The following GADL1 variants were observed in gnomAD, a reference collection of about 807,000 sequenced individuals.
GADL1 encodes the protein GAD like acidic amino acid decarboxylase 1.
Under a neutral mutation model 69.5 loss-of-function variants are expected in GADL1, and 71 were observed. That is an observed-to-expected ratio of 1.02 (90% CI 0.84 to 1.25). The LOEUF (loss-of-function observed/expected upper bound fraction) is 1.25. Ranked by LOEUF, GADL1 falls within the 50% of genes most tolerant of loss-of-function variation. The pLI is 0.00. For synonymous variants in GADL1, 254 were observed against 214.4 expected (o/e 1.18, Z -1.62); for missense variants, 737 against 631.8 (o/e 1.17, Z -1.79).
intron 2 of GADL1, among the ~76,000 whole-genome samples, chr3:30,861,073 A>T (rs1328211507): frequency 6.6e-6 from 1 of 151,956 alleles, no homozygotes; most frequent in Non-Finnish European, 1.5e-5. Flanking sequence ...ACAACCAATA[A>T]TTGGTACCAG....
intron 6 of GADL1, among the ~76,000 whole-genome samples, chr3:30,846,590 A>G (rs545112290): frequency 2.0e-4 from 30 of 152,194 alleles, no homozygotes; most frequent in African/African-American, 7.2e-4. Context: ...TCCAGTGCTG[A>G]CTAATTTGAT....
chr3:30,797,445 A>ATG (rs1697060465), intron 12 of GADL1, among the ~76,000 whole-genome samples: 1 of 152,206 alleles, frequency 6.6e-6, no homozygotes, highest in African/African-American at 2.4e-5. Flanking sequence ...CATGTAGGAC[A>ATG]TCCCAGGCAT....
At chr3:30,758,312 C>T (rs795454) in intron 14 of GADL1, among the ~76,000 whole-genome samples, 50,129 of 152,122 alleles carry the variant, frequency 0.33, 9,817 homozygotes, top group Non-Finnish European at 0.43. Context: ...AAGAGCCCCT[C>T]CTTAGCTGAT....
intron 11 of GADL1, among the ~76,000 whole-genome samples, chr3:30,809,599 A>G (rs1697316520): frequency 6.6e-6 from 1 of 152,282 alleles, no homozygotes; most frequent in South Asian, 2.1e-4. Context: ...CTATAGATCA[A>G]TCTCCACTCA....
intron 1 of GADL1, among the ~76,000 whole-genome samples, chr3:30,864,214 A>G (rs1347384504): frequency 6.6e-6 from 1 of 151,998 alleles, no homozygotes. Flanking sequence ...TTATGTGAGT[A>G]GGCAGTGCTA....
chr3:30,726,629 C>T lies in GADL1; in HGVS notation c.*1613G>A, dbSNP rs774318035. 6.6e-6 allele frequency: 1 copy of T among 151,814 alleles called. No homozygotes were observed. Among genetic ancestry groups the T allele is most frequent in the African/African-American group, 2.4e-5 (1 of 41,358 alleles). The allele number at this position is 151,814 out of a possible 1,614,324, so 9.4% of individuals were successfully genotyped here. Reference sequence around the variant, plus strand: ...AAATAAGCAATAAAAGCAAATAGTACTCAAAATTTAAATGACATTGGTTAA... The same window carrying T: ...AAATAAGCAATAAAAGCAAATAGTATTCAAAATTTAAATGACATTGGTTAA... On this transcript the variant is annotated 3_prime_UTR_variant, in exon 15 of 15. Coordinates refer to ENST00000282538, the MANE Select transcript of GADL1 (RefSeq NM_207359.3).
rs183954482 is a variant in GADL1 at position 30,892,325 on chromosome 3, G to A, written c.37+2253C>T. ...TAAGACAAGATATCATTTAACATAC[G>A]AATTCAATGTTACCTTCAGGATCTC... On this transcript the variant is annotated intron_variant, in intron 1 of 14. Coordinates refer to ENST00000282538, the MANE Select transcript of GADL1 (RefSeq NM_207359.3). Among the ~76,000 whole-genome samples, 48 of 152,250 alleles carry A rather than the reference G, an allele frequency of 3.2e-4. 1 individual carries two copies. The highest frequency in any genetic ancestry group is 4.1e-4 in the Non-Finnish European group (28 of 68,018).
chr3:30,854,827 T>TAAA (rs112640860), intron 3 of GADL1, 38 bp from the exon 4 acceptor site: 30 of 869,604 alleles, frequency 3.4e-5, no homozygotes, highest in Admixed American at 1.2e-4. Context: ...TATGCAGCAA[T>TAAA]AAAAAAAAAA....
chr3:30,731,437 C>T (rs1433283820), intron 14 of GADL1, among the ~76,000 whole-genome samples: 2 of 152,132 alleles, frequency 1.3e-5, no homozygotes, highest in Non-Finnish European at 2.9e-5. Flanking sequence ...ATATCTGAGG[C>T]TCACATGAGG....
chr3:30,754,196 T>C (rs1370058355), intron 14 of GADL1, among the ~76,000 whole-genome samples: 3 of 152,192 alleles, frequency 2.0e-5, no homozygotes, highest in African/African-American at 7.2e-5. Context: ...TTCATCCTTT[T>C]TTGCTTTCCT....
chr3:30,794,282 G>A (rs1346086243), intron 12 of GADL1, among the ~76,000 whole-genome samples: 1 of 101,016 alleles, frequency 9.9e-6, no homozygotes, highest in Non-Finnish European at 2.0e-5. Flanking sequence ...GTAGCAGAGT[G>A]GGAGTTCCTG....
At chr3:30,775,120 G>A (rs1234541021) in intron 14 of GADL1, among the ~76,000 whole-genome samples, 1 of 152,150 alleles carries the variant, frequency 6.6e-6, no homozygotes, top group East Asian at 1.9e-4. Flanking sequence ...GCATTGTTAG[G>A]CTACAGTGAT....
intron 1 of GADL1, among the ~76,000 whole-genome samples, chr3:30,879,538 A>G (rs1698617107): frequency 6.6e-6 from 1 of 151,908 alleles, no homozygotes; most frequent in African/African-American, 2.4e-5. Flanking sequence ...ATAAAGGCCT[A>G]TGTTGTTGCT....
At position 30,827,542 on chromosome 3, in the gene GADL1, G is replaced by A. The variant is rs1211159390; in HGVS notation, c.1050+6311C>T. ...TAAAAATGTTATTGGTTTGTTTGGT[G>A]GAGAAATAGATAATGGATTCTGAAC... On this transcript the variant is annotated intron_variant, in intron 11 of 14. Transcript: ENST00000282538. Among the ~76,000 whole-genome samples the A allele has an allele frequency of 5.9e-5, 9 of 151,928 alleles. No homozygotes were observed. The East Asian group carries it at 1.8e-3, about 30-fold the overall frequency.
intron 11 of GADL1, among the ~76,000 whole-genome samples, chr3:30,823,192 C>T (rs774514715): frequency 1.3e-5 from 2 of 151,748 alleles, no homozygotes; most frequent in African/African-American, 2.4e-5. Flanking sequence ...AAGCTAGAGA[C>T]GTTCCTACTC....
At chr3:30,739,077 C>A (rs2125471961) in intron 14 of GADL1, among the ~76,000 whole-genome samples, 1 of 152,288 alleles carries the variant, frequency 6.6e-6, no homozygotes, top group Middle Eastern at 3.4e-3. Context: ...GGAAGCGGCC[C>A]CAGTGTTGGC....
At chr3:30,791,231 G>C (rs1247816256) in intron 12 of GADL1, among the ~76,000 whole-genome samples, 2 of 152,092 alleles carry the variant, frequency 1.3e-5, no homozygotes, top group African/African-American at 4.8e-5. Context: ...TAGGAGAAAA[G>C]CTTTGTGAAC....
At chr3:30,763,509 G>A (rs1696191568) in intron 14 of GADL1, among the ~76,000 whole-genome samples, 1 of 99,288 alleles carries the variant, frequency 1.0e-5, no homozygotes, top group South Asian at 4.6e-4. Flanking sequence ...CTCGGCGGCG[G>A]GGGGTGGGGG....
At chr3:30,817,977 TA>T (rs1456719336) in intron 11 of GADL1, among the ~76,000 whole-genome samples, 1 of 152,200 alleles carries the variant, frequency 6.6e-6, no homozygotes, top group African/African-American at 2.4e-5. Flanking sequence ...CTTGTTTTTT[TA>T]GTTTCTGGAC....
Sources: gnomAD v4.1 joint callset for allele counts (sites outside exome capture counted in the v4.1 genomes callset) on GRCh38, gnomAD v4.1.1 for gene constraint, MANE v1.5 for transcripts, NCBI Gene and HGNC (gene_info 2026-07-23, HGNC 2026-07-21) for gene names.